The following ANKS1B variants were observed in gnomAD, a reference collection of about 807,000 sequenced individuals.
The protein encoded by ANKS1B is ankyrin repeat and sterile alpha motif domain containing 1B, also known as ankyrin repeat and sterile alpha motif domain-containing protein 1B.
In ANKS1B, 36 loss-of-function variants were observed where a neutral mutation model predicts 148.3. The observed-to-expected ratio is 0.24, with a 90% CI of 0.19 to 0.32. The LOEUF (loss-of-function observed/expected upper bound fraction) is 0.32, where lower values mean the gene tolerates loss of function less well. ANKS1B is among the 10% of genes least tolerant of loss of function. ANKS1B has a pLI of 1.00. For synonymous variants in ANKS1B, 542 were observed against 560.8 expected, an observed-to-expected ratio of 0.97 and a Z score of 0.47; for missense variants, 1,157 against 1,542.6, an observed-to-expected ratio of 0.75 and a Z score of 4.19.
At chr12:99,532,119 G>A (rs1325135037) in intron 9 of ANKS1B, among the ~76,000 whole-genome samples, 1 of 151,812 alleles carries the variant, frequency 6.6e-6, no homozygotes, top group African/African-American at 2.4e-5. Context: ...TATACAGTTT[G>A]TGGATATTTT....
chr12:99,295,066 A>G (rs2080674858), intron 12 of ANKS1B, among the ~76,000 whole-genome samples: 1 of 152,218 alleles, frequency 6.6e-6, no homozygotes. Context: ...CTACCCCATA[A>G]ATACATACAT....
Position 99,655,709 on chromosome 12 carries a change from A to G in ANKS1B, c.1129-499T>C, listed in dbSNP as rs113748952. ...TTTTAAAATTCATAATGAGACTTCCATATTTAGCACATATATTTTCCTTCG... is the reference window on the plus strand; with the variant it reads ...TTTTAAAATTCATAATGAGACTTCCGTATTTAGCACATATATTTTCCTTCG... On this transcript the variant is annotated intron_variant, in intron 8 of 26. Transcript: ENST00000683438. Among the ~76,000 whole-genome samples the G allele has an allele frequency of 5.7e-3, 865 of 152,306 alleles. 9 individuals are homozygous for G. Among genetic ancestry groups the G allele is most frequent in the African/African-American group, 0.02 (821 of 41,582 alleles).
At chr12:99,883,868 A>G (rs139927073) in intron 1 of ANKS1B, among the ~76,000 whole-genome samples, 8,561 of 152,280 alleles carry the variant, frequency 0.056, 782 homozygotes, top group African/African-American at 0.19. Flanking sequence ...GTGAGCTGAC[A>G]TCGTGCCACT....
At chr12:99,657,757 G>T (rs1260523248) in intron 8 of ANKS1B, among the ~76,000 whole-genome samples, 3 of 151,028 alleles carry the variant, frequency 2.0e-5, no homozygotes, top group African/African-American at 7.3e-5. Flanking sequence ...CATTGATGCG[G>T]CACATACTAT....
chr12:99,967,777 CA>C (rs2095503821), intron 1 of ANKS1B, among the ~76,000 whole-genome samples: 1 of 151,708 alleles, frequency 6.6e-6, no homozygotes, highest in Admixed American at 6.6e-5. Flanking sequence ...CATGGTGGTG[CA>C]TGCCTGTAGT....
At chr12:99,317,755 GA>G (rs1173003705) in intron 12 of ANKS1B, among the ~76,000 whole-genome samples, 1 of 152,308 alleles carries the variant, frequency 6.6e-6, no homozygotes, top group African/African-American at 2.4e-5. Flanking sequence ...TTTTCAAAGG[GA>G]ATGCTTCCAA....
intron 1 of ANKS1B, among the ~76,000 whole-genome samples, chr12:99,947,949 G>C (rs141136551): frequency 1.6e-4 from 25 of 152,250 alleles, no homozygotes; most frequent in African/African-American, 6.0e-4. Flanking sequence ...ATCATATTTT[G>C]AATGTCCCTG....
intron 17 of ANKS1B, among the ~76,000 whole-genome samples, chr12:98,955,193 A>G (rs2099860228): frequency 6.6e-6 from 1 of 152,196 alleles, no homozygotes; most frequent in Non-Finnish European, 1.5e-5. Context: ...AGATTAGAGA[A>G]GAGGGCTTGG....
At chr12:99,794,213 C>T (rs1440768177) in intron 4 of ANKS1B, among the ~76,000 whole-genome samples, 2 of 151,866 alleles carry the variant, frequency 1.3e-5, no homozygotes, top group Non-Finnish European at 2.9e-5. Flanking sequence ...ATCCTATATA[C>T]TGTAGGTGGG....
chr12:98,858,108 ACCT>A (rs910523875), intron 17 of ANKS1B, among the ~76,000 whole-genome samples: 16 of 151,964 alleles, frequency 1.1e-4, no homozygotes, highest in African/African-American at 3.9e-4. Flanking sequence ...TGTACTTTCT[ACCT>A]CCTCCTCCGC....
chr12:98,856,446 C>T (rs1185150355), intron 17 of ANKS1B, among the ~76,000 whole-genome samples: 1 of 152,130 alleles, frequency 6.6e-6, no homozygotes, highest in Non-Finnish European at 1.5e-5. Flanking sequence ...GTTTCTTCAT[C>T]TGTGAAATGG....
At chr12:99,883,518 T>C (rs941204407) in intron 1 of ANKS1B, among the ~76,000 whole-genome samples, 4 of 151,572 alleles carry the variant, frequency 2.6e-5, no homozygotes, top group Non-Finnish European at 4.4e-5. Flanking sequence ...GCATGATTCA[T>C]AAAAAAAATT....
intron 15 of ANKS1B, among the ~76,000 whole-genome samples, chr12:99,107,283 C>G (rs919320493): frequency 6.6e-6 from 1 of 152,046 alleles, no homozygotes; most frequent in African/African-American, 2.4e-5. Context: ...GCAGCTACAC[C>G]CTCACTCTTT....
At position 99,863,695 on chromosome 12, in the gene ANKS1B, A is replaced by G. The variant is rs534258619; in HGVS notation, c.135-38306T>C. ...GCACCACTGCACTCCAGCCTGGGTG[A>G]CAGAGCAAGACACCGTCTCAAAAAA... On this transcript the variant is annotated intron_variant, in intron 1 of 26. Coordinates refer to ENST00000683438, the MANE Select transcript of ANKS1B (RefSeq NM_001352186.2). Among the ~76,000 whole-genome samples the G allele has an allele frequency of 6.6e-5, 10 of 151,506 alleles. No individual in the cohort carries two copies. The East Asian group carries it at 1.6e-3, about 24-fold the overall frequency.
At chr12:99,894,295 G>GGGAA (rs2093277178) in intron 1 of ANKS1B, among the ~76,000 whole-genome samples, 1 of 49,212 alleles carries the variant, frequency 2.0e-5, no homozygotes, top group Non-Finnish European at 5.5e-5. Context: ...AAGGAAGGGA[G>GGGAA]GGAGGGAGGG....
chr12:99,284,392 A>G (rs1373636296), intron 12 of ANKS1B, among the ~76,000 whole-genome samples: 1 of 152,232 alleles, frequency 6.6e-6, no homozygotes, highest in Non-Finnish European at 1.5e-5. Flanking sequence ...GGTAAGATGG[A>G]CAATAAAATG....
intron 8 of ANKS1B, among the ~76,000 whole-genome samples, chr12:99,669,197 T>C (rs1371399070): frequency 1.3e-5 from 2 of 152,016 alleles, no homozygotes; most frequent in Non-Finnish European, 2.9e-5. Flanking sequence ...AAGAGAAGGC[T>C]TCTCACTCTG....
intron 15 of ANKS1B, among the ~76,000 whole-genome samples, chr12:99,120,525 T>C (rs891703974): frequency 1.4e-4 from 22 of 152,344 alleles, no homozygotes; most frequent in Middle Eastern, 3.4e-3. Flanking sequence ...AAGAACTTGT[T>C]ATATGCAAGG....
intron 25 of ANKS1B, among the ~76,000 whole-genome samples, chr12:98,761,575 C>A (rs2098406838): frequency 6.6e-6 from 1 of 152,078 alleles, no homozygotes; most frequent in Non-Finnish European, 1.5e-5. Context: ...TTCCTTTTAG[C>A]CTATATTTTC....
Sources: allele counts gnomAD v4.1 joint callset (sites outside exome capture counted in the v4.1 genomes callset), GRCh38; gene constraint gnomAD v4.1.1; transcripts MANE v1.5; gene names NCBI Gene and HGNC (gene_info 2026-07-23, HGNC 2026-07-21).